Variants in KCNAB1 observed in about 807,000 individuals in gnomAD.
The protein encoded by KCNAB1 is voltage-gated potassium channel subunit beta-1.
Under a neutral mutation model 64.6 loss-of-function variants are expected in KCNAB1, and 35 were observed. The observed-to-expected ratio is 0.54, with a 90% CI of 0.41 to 0.72. The LOEUF is 0.72. Ranked by LOEUF, KCNAB1 falls within the 30% of genes least tolerant of loss-of-function variation. The pLI, the probability that KCNAB1 is intolerant of heterozygous loss-of-function variation, is 0.00. For synonymous variants in KCNAB1, 177 were observed against 183.8 expected (o/e 0.96, Z 0.30); for missense variants, 401 against 512.9 (o/e 0.78, Z 2.11).
intron 1 of KCNAB1, chr3:156,291,974 A>G (rs1197967611): frequency 6.2e-7 from 1 of 1,614,134 alleles, no homozygotes; most frequent in South Asian, 1.1e-5. Context: ...CCGACTTCTG[A>G]GCAAGCAGAG....
chr3:156,312,185 G>A (rs1362595855), intron 1 of KCNAB1, among the ~76,000 whole-genome samples: 1 of 152,186 alleles, frequency 6.6e-6, no homozygotes, highest in Non-Finnish European at 1.5e-5. Flanking sequence ...CAGTGTGGAT[G>A]CTATTGCTGA....
intron 5 of KCNAB1, among the ~76,000 whole-genome samples, chr3:156,461,238 G>A (rs1443901615): frequency 6.6e-6 from 1 of 152,196 alleles, no homozygotes; most frequent in Non-Finnish European, 1.5e-5. Context: ...ATTCTTGCAT[G>A]TTTCTGGAGG....
chr3:156,370,941 C>G (rs986280076), intron 1 of KCNAB1, among the ~76,000 whole-genome samples: 1 of 152,226 alleles, frequency 6.6e-6, no homozygotes, highest in African/African-American at 2.4e-5. Context: ...ATATAGCCTT[C>G]TCACTCAACA....
intron 1 of KCNAB1, among the ~76,000 whole-genome samples, chr3:156,403,173 T>C (rs1477673131): frequency 6.6e-6 from 1 of 152,222 alleles, no homozygotes; most frequent in East Asian, 1.9e-4. Context: ...AGCCTCTCTT[T>C]TCTTTTTCCC....
At chr3:156,364,433 C>T in intron 1 of KCNAB1, among the ~76,000 whole-genome samples, 1 of 152,168 alleles carries the variant, frequency 6.6e-6, no homozygotes, top group East Asian at 1.9e-4. Context: ...AGCAATTACT[C>T]TGAAGGAGGT....
At chr3:156,355,168 A>G (rs1725147996) in intron 1 of KCNAB1, among the ~76,000 whole-genome samples, 2 of 152,252 alleles carry the variant, frequency 1.3e-5, no homozygotes, top group African/African-American at 4.8e-5. Context: ...AATTTGTTTA[A>G]GATTTTTTAA....
At chr3:156,182,597 TCTA>T (rs1712887237) in intron 1 of KCNAB1, among the ~76,000 whole-genome samples, 1 of 143,456 alleles carries the variant, frequency 7.0e-6, no homozygotes, top group Non-Finnish European at 1.5e-5. Flanking sequence ...TTCTTTATAT[TCTA>T]CTCCTTCTTT....
chr3:156,198,561 T>C (rs997219661), intron 1 of KCNAB1, among the ~76,000 whole-genome samples: 3 of 152,158 alleles, frequency 2.0e-5, no homozygotes, highest in Admixed American at 6.5e-5. Flanking sequence ...TTGGTCTTTT[T>C]GGATCTTTGC....
At chr3:156,230,938 C>A (rs1182045499) in intron 1 of KCNAB1, among the ~76,000 whole-genome samples, 1 of 152,148 alleles carries the variant, frequency 6.6e-6, no homozygotes, top group Middle Eastern at 3.2e-3. Flanking sequence ...GGAGAAACAG[C>A]CTTCAGCCTC....
chr3:156,442,862 C>T (rs1346028122), intron 2 of KCNAB1, among the ~76,000 whole-genome samples: 1 of 152,186 alleles, frequency 6.6e-6, no homozygotes. Flanking sequence ...AAGGATGGCT[C>T]TGTGCATGAG....
chr3:156,304,336 T>A (rs1480637028), intron 1 of KCNAB1, among the ~76,000 whole-genome samples: 1 of 152,214 alleles, frequency 6.6e-6, no homozygotes, highest in Non-Finnish European at 1.5e-5. Flanking sequence ...TAACTACTAT[T>A]ATTTTATCCT....
At chr3:156,480,728 C>G (rs757369749) in intron 8 of KCNAB1, among the ~76,000 whole-genome samples, 6 of 152,034 alleles carry the variant, frequency 3.9e-5, no homozygotes, top group Non-Finnish European at 7.4e-5. Flanking sequence ...TGGAGCAACA[C>G]ATTTCAGCTG....
At chr3:156,215,428 A>G (rs529113118) in intron 1 of KCNAB1, 57 of 152,358 alleles carry the variant, frequency 3.7e-4, no homozygotes, top group African/African-American at 1.3e-3. Flanking sequence ...TTAAACCTAT[A>G]CATCCAGTTA....
intron 1 of KCNAB1, chr3:156,143,513 C>T (rs1714834699): frequency 2.3e-6 from 2 of 851,772 alleles, no homozygotes; most frequent in Admixed American, 3.0e-5. Context: ...CAAGACAAAA[C>T]CCTGTAAGAA....
intron 1 of KCNAB1, among the ~76,000 whole-genome samples, chr3:156,411,770 C>T (rs550540273): frequency 6.6e-6 from 1 of 152,220 alleles, no homozygotes; most frequent in Non-Finnish European, 1.5e-5. Flanking sequence ...CACAACACTG[C>T]CTTTGATTAC....
At chr3:156,181,423 C>T (rs1712809535) in intron 1 of KCNAB1, among the ~76,000 whole-genome samples, 2 of 152,176 alleles carry the variant, frequency 1.3e-5, no homozygotes, top group African/African-American at 4.8e-5. Flanking sequence ...GATGCTTACA[C>T]TGGTGGGCAC....
chr3:156,172,796 T>G (rs1438953626), intron 1 of KCNAB1, among the ~76,000 whole-genome samples: 1 of 152,164 alleles, frequency 6.6e-6, no homozygotes, highest in Non-Finnish European at 1.5e-5. Context: ...AGGGGAATAT[T>G]GCAGGCAGAG....
intron 1 of KCNAB1, among the ~76,000 whole-genome samples, chr3:156,370,906 A>G (rs1382138671): frequency 6.6e-6 from 1 of 152,226 alleles, no homozygotes; most frequent in East Asian, 1.9e-4. Context: ...GAAAACTGCA[A>G]TGGCTTGTGA....
At chr3:156,279,110 T>TC (rs994412997) in intron 1 of KCNAB1, among the ~76,000 whole-genome samples, 1 of 138,946 alleles carries the variant, frequency 7.2e-6, no homozygotes, top group Non-Finnish European at 1.6e-5. Context: ...ATGCTATCCC[T>TC]CCCCCCTCCC....
Sources: gnomAD v4.1 joint callset for allele counts (sites outside exome capture counted in the v4.1 genomes callset) on GRCh38, gnomAD v4.1.1 for gene constraint, MANE v1.5 for transcripts, NCBI Gene and HGNC (gene_info 2026-07-23, HGNC 2026-07-21) for gene names.